The following PANX1 variants were observed in gnomAD, a reference collection of about 807,000 sequenced individuals.
The protein encoded by PANX1 is pannexin-1.
A neutral mutation model predicts 38.7 loss-of-function variants in PANX1; 30 were observed. The ratio of observed to expected loss-of-function variants is 0.78; its 90% CI spans 0.58 to 1.05. The LOEUF (loss-of-function observed/expected upper bound fraction) is 1.05. Among genes scored for constraint, PANX1 ranks in the 50% least tolerant of loss-of-function variants. The pLI, the probability that PANX1 is intolerant of heterozygous loss-of-function variation, is 0.00. For missense variants in PANX1, 551 were observed against 517.2 expected, an observed-to-expected ratio of 1.07 and a Z score of -0.63; for synonymous variants, 230 against 212.2, an observed-to-expected ratio of 1.08 and a Z score of -0.73.
chr11:94,132,863 AAATC>A (rs1436635030), intron 1 of PANX1, among the ~76,000 whole-genome samples: 3 of 152,336 alleles, frequency 2.0e-5, no homozygotes, highest in African/African-American at 7.2e-5. Flanking sequence ...ACTTTAAAGA[AAATC>A]TATTAAATCA....
intron 2 of PANX1, among the ~76,000 whole-genome samples, chr11:94,164,115 CTTTTT>C (rs368547926): frequency 7.0e-6 from 1 of 142,770 alleles, no homozygotes; most frequent in African/African-American, 2.7e-5. Flanking sequence ...TTTGGTCTTT[CTTTTT>C]TTTTTAGTCT....
chr11:94,139,355 G>C (rs1946734545), intron 1 of PANX1, among the ~76,000 whole-genome samples: 1 of 152,188 alleles, frequency 6.6e-6, no homozygotes, highest in Non-Finnish European at 1.5e-5. Flanking sequence ...TAATATATCA[G>C]ATATTTAAAA....
intron 2 of PANX1, among the ~76,000 whole-genome samples, chr11:94,170,719 C>T (rs1008369207): frequency 6.6e-6 from 1 of 151,762 alleles, no homozygotes; most frequent in Non-Finnish European, 1.5e-5. Context: ...AGCCAGATGG[C>T]AGGTGAGCCC....
intron 2 of PANX1, among the ~76,000 whole-genome samples, chr11:94,155,586 A>G (rs915089006): frequency 3.3e-5 from 5 of 152,166 alleles, no homozygotes; most frequent in African/African-American, 4.8e-5. Context: ...CCTAATATTT[A>G]TTAAGTGGAA....
At position 94,163,839 on chromosome 11, in the gene PANX1, A is replaced by C. The variant is rs536022579; in HGVS notation, c.321+10209A>C. Reference sequence around the variant, plus strand: ...CTTTTTTAAAAGTTTGGTAGAATTTAGCAGTGAAGCCATCAGGTCCTGGGC... The same window carrying C: ...CTTTTTTAAAAGTTTGGTAGAATTTCGCAGTGAAGCCATCAGGTCCTGGGC... On this transcript the variant is annotated intron_variant, in intron 2 of 4. Coordinates refer to ENST00000227638, the MANE Select transcript of PANX1 (RefSeq NM_015368.4). Among the ~76,000 whole-genome samples the C allele has an allele frequency of 3.9e-5, 6 of 152,310 alleles. No individual in the cohort carries two copies. In the East Asian group the frequency reaches 1.2e-3, roughly 29 times the overall value.
chr11:94,160,253 C>G (rs765925623), intron 2 of PANX1, among the ~76,000 whole-genome samples: 2 of 152,124 alleles, frequency 1.3e-5, no homozygotes, highest in Non-Finnish European at 2.9e-5. Context: ...CTGCTTGATG[C>G]AGAGCTGAGT....
intron 1 of PANX1, among the ~76,000 whole-genome samples, chr11:94,151,913 A>G (rs901837594): frequency 6.6e-6 from 1 of 152,128 alleles, no homozygotes; most frequent in African/African-American, 2.4e-5. Flanking sequence ...CAGGCCCCTG[A>G]TGGGGAAGAA....
chr11:94,135,084 G>A (rs1268209028), intron 1 of PANX1, among the ~76,000 whole-genome samples: 1 of 152,172 alleles, frequency 6.6e-6, no homozygotes, highest in Non-Finnish European at 1.5e-5. Flanking sequence ...TATCCCCTGG[G>A]AAGGAGAGCC....
At chr11:94,169,754 T>C (rs1447051364) in intron 2 of PANX1, among the ~76,000 whole-genome samples, 1 of 151,590 alleles carries the variant, frequency 6.6e-6, no homozygotes, top group African/African-American at 2.4e-5. Flanking sequence ...TGGAAGACGC[T>C]GGGAGGATCC....
intron 4 of PANX1, 133 bp from the exon 5 acceptor site, chr11:94,180,653 TATTG>T: frequency 1.7e-6 from 1 of 585,674 alleles, no homozygotes; most frequent in East Asian, 2.8e-5. Context: ...ACTAAAAGTT[TATTG>T]ATTCTTTTAG....
intron 2 of PANX1, 116 bp from the exon 3 acceptor site, chr11:94,178,253 C>T: frequency 1.3e-6 from 1 of 771,560 alleles, no homozygotes; most frequent in South Asian, 1.7e-5. Flanking sequence ...GTAATGAGCC[C>T]AATTTCCACA....
At chr11:94,162,382 T>C (rs972581904) in intron 2 of PANX1, among the ~76,000 whole-genome samples, 2 of 152,192 alleles carry the variant, frequency 1.3e-5, no homozygotes, top group Non-Finnish European at 2.9e-5. Context: ...TCGAGTTTCC[T>C]GGCCACTTTG....
intron 2 of PANX1, chr11:94,175,793 TTG>T (rs1415793675): frequency 5.8e-5 from 57 of 984,636 alleles, no homozygotes; most frequent in Non-Finnish European, 6.6e-5. Context: ...ACAGCCTGCT[TTG>T]TGTGTCATTG....
In PANX1 at chr11:94,178,575, C is replaced by G; in HGVS notation, c.528C>G (p.Thr176=). The G allele has an allele frequency of 6.2e-7, 1 of 1,613,670 alleles. No individual in the cohort carries two copies. Among genetic ancestry groups the G allele is most frequent in the East Asian group, 2.2e-5 (1 of 44,854 alleles). Reference sequence around the variant, plus strand: ...GAGCCTGCTCAGTTCCAGGTGTTACCGAGAACTTAGGGCAAAGGTAACTTA... The same window carrying G: ...GAGCCTGCTCAGTTCCAGGTGTTACGGAGAACTTAGGGCAAAGGTAACTTA... ...RDGACSVPGV[T]ENLGQSLWEV... is the part of the protein sequence containing the mutation. Residue 176 remains threonine (T), a synonymous_variant, in exon 3 of 5, where the codon ACC becomes ACG. Transcript: ENST00000227638.
intron 1 of PANX1, among the ~76,000 whole-genome samples, chr11:94,152,070 A>G (rs1309454447): frequency 2.9e-5 from 4 of 137,466 alleles, no homozygotes; most frequent in Non-Finnish European, 5.9e-5. Flanking sequence ...TGTGCCAGGG[A>G]TTAGGGAAAT....
chr11:94,179,929 T>C lies in PANX1; in HGVS notation c.873T>C (p.Val291=), dbSNP rs772680691. The change falls in exon 4 of 5, where the codon GTT becomes GTC. Residue 291 remains valine, a synonymous_variant. Transcript: ENST00000227638. ...TTTATGTCCTGCTGGCTCCCGTGGT[T>C]GTCTACACGCTGTTTGTTCCATTCC... The part of the protein sequence containing the change: ...LVVYVLLAPV[V]VYTLFVPFRQ... 3.1e-6 allele frequency: 5 copies of C among 1,610,436 alleles called. No homozygotes were observed. In the Admixed American group the frequency reaches 8.4e-5, roughly 27 times the overall value.
At chr11:94,178,086 T>A (rs1451665290) in intron 2 of PANX1, among the ~76,000 whole-genome samples, 3 of 152,188 alleles carry the variant, frequency 2.0e-5, no homozygotes, top group African/African-American at 7.2e-5. Flanking sequence ...ATTTTATTTT[T>A]TTATTTTCCT....
chr11:94,175,709 T>C (rs982572224), intron 2 of PANX1: 1 of 982,260 alleles, frequency 1.0e-6, no homozygotes, highest in Non-Finnish European at 1.2e-6. Flanking sequence ...ACCCTTCTGA[T>C]TGGGCAAGAA....
At chr11:94,134,441 A>G (rs1278330336) in intron 1 of PANX1, among the ~76,000 whole-genome samples, 1 of 152,120 alleles carries the variant, frequency 6.6e-6, no homozygotes, top group Non-Finnish European at 1.5e-5. Context: ...AAAGTTATGA[A>G]TTCCCTTAGT....
Sources: gnomAD v4.1 joint callset for allele counts (sites outside exome capture counted in the v4.1 genomes callset) on GRCh38, gnomAD v4.1.1 for gene constraint, MANE v1.5 for transcripts, NCBI Gene and HGNC (gene_info 2026-07-23, HGNC 2026-07-21) for gene names.